Variants in TMEM135 observed in about 807,000 individuals in gnomAD.
TMEM135 encodes transmembrane protein 135, also known as peroxisomal membrane protein 52.
Under a neutral mutation model 60.3 loss-of-function variants are expected in TMEM135, and 30 were observed. That is an observed-to-expected ratio of 0.50 (90% CI 0.37 to 0.68). The LOEUF (loss-of-function observed/expected upper bound fraction) is 0.68, where lower values mean the gene tolerates loss of function less well. Ranked by LOEUF, TMEM135 falls within the 30% of genes least tolerant of loss-of-function variation. The pLI, the probability that TMEM135 is intolerant of heterozygous loss-of-function variation, is 0.00. For missense variants in TMEM135, 468 were observed against 548.8 expected, an observed-to-expected ratio of 0.85 and a Z score of 1.47; for synonymous variants, 190 against 186.7, an observed-to-expected ratio of 1.02 and a Z score of -0.14.
At chr11:87,190,379 A>G (rs370202279) in intron 5 of TMEM135, among the ~76,000 whole-genome samples, 5 of 152,182 alleles carry the variant, frequency 3.3e-5, no homozygotes, top group African/African-American at 9.7e-5. Flanking sequence ...AGGGAGAGAG[A>G]AGGAGAGAGA....
At chr11:87,265,587 A>G (rs1432313258) in intron 6 of TMEM135, among the ~76,000 whole-genome samples, 1 of 152,058 alleles carries the variant, frequency 6.6e-6, no homozygotes, top group Non-Finnish European at 1.5e-5. Flanking sequence ...ATTGGTATGC[A>G]CCTTTTATGA....
At chr11:87,235,280 A>C (rs1384143790) in intron 5 of TMEM135, among the ~76,000 whole-genome samples, 2 of 151,608 alleles carry the variant, frequency 1.3e-5, no homozygotes, top group Non-Finnish European at 3.0e-5. Context: ...AGATGGAGAG[A>C]GGAAGGAAGG....
Position 87,053,329 on chromosome 11 carries a change from A to G in TMEM135, c.142-14365A>G, listed in dbSNP as rs902808368. ...TATATGGATACTTTTTTTATTGATT[A>G]TGAAAAGATGATGTGGATTGAAAGG... On this transcript the variant is annotated intron_variant, in intron 1 of 14. Transcript: ENST00000305494. Among the ~76,000 whole-genome samples the G allele has an allele frequency of 4.6e-5, 7 of 151,910 alleles. No homozygotes were observed. In the East Asian group the frequency reaches 5.8e-4, roughly 13 times the overall value.
At chr11:87,220,384 G>A (rs923733169) in intron 5 of TMEM135, among the ~76,000 whole-genome samples, 1 of 152,192 alleles carries the variant, frequency 6.6e-6, no homozygotes, top group African/African-American at 2.4e-5. Flanking sequence ...TTCAGGATTT[G>A]TAGCTTCCAT....
chr11:87,106,394 G>A (rs1420140093), intron 4 of TMEM135, among the ~76,000 whole-genome samples: 2 of 152,118 alleles, frequency 1.3e-5, no homozygotes, highest in Admixed American at 6.6e-5. Flanking sequence ...ATGAGCCACT[G>A]CACCCGGCTA....
intron 6 of TMEM135, among the ~76,000 whole-genome samples, chr11:87,271,724 A>G (rs1485250956): frequency 2.0e-5 from 3 of 152,168 alleles, no homozygotes; most frequent in Non-Finnish European, 4.4e-5. Context: ...GCTTGAGCCC[A>G]GGAGTTCAAG....
At chr11:87,182,140 C>T (rs1290733800) in intron 5 of TMEM135, among the ~76,000 whole-genome samples, 1 of 151,942 alleles carries the variant, frequency 6.6e-6, no homozygotes, top group East Asian at 1.9e-4. Flanking sequence ...ATTGCCTTTT[C>T]ATGAAAACTT....
intron 5 of TMEM135, among the ~76,000 whole-genome samples, chr11:87,165,652 T>A (rs569641280): frequency 1.3e-5 from 2 of 151,436 alleles, no homozygotes; most frequent in South Asian, 4.2e-4. Flanking sequence ...AGAATTCAGC[T>A]GTGAATCCAT....
At chr11:87,241,776 T>A (rs978979473) in intron 6 of TMEM135, among the ~76,000 whole-genome samples, 2 of 152,214 alleles carry the variant, frequency 1.3e-5, no homozygotes, top group Admixed American at 6.6e-5. Flanking sequence ...ATTTTTCTCT[T>A]TGTTTTCCTG....
intron 6 of TMEM135, among the ~76,000 whole-genome samples, chr11:87,286,099 T>C (rs1034918461): frequency 6.6e-6 from 1 of 151,910 alleles, no homozygotes; most frequent in Non-Finnish European, 1.5e-5. Flanking sequence ...AGACGCAGAA[T>C]GCTGATTGGT....
intron 1 of TMEM135, among the ~76,000 whole-genome samples, chr11:87,046,939 A>C (rs1949801540): frequency 1.3e-5 from 2 of 152,204 alleles, no homozygotes; most frequent in Non-Finnish European, 2.9e-5. Flanking sequence ...CAAGGTTCTT[A>C]ACATTTGTGA....
rs182651270 is a variant in TMEM135, at chr11:87,312,793, A to T, written c.937-632A>T. Among the ~76,000 whole-genome samples the T allele has an allele frequency of 2.0e-4, 30 of 152,066 alleles. No individual in the cohort carries two copies. The East Asian group carries it at 5.0e-3, about 25-fold the overall frequency. The stretch of plus-strand genomic sequence containing the variant: ...AGTAGCAGGCCAGATTTGGCTAGTG[A>T]GCCATAGTTTGCTGACCCCTATTTT... On this transcript the variant is annotated intron_variant, in intron 10 of 14. Coordinates refer to ENST00000305494, the MANE Select transcript of TMEM135 (RefSeq NM_022918.4).
Position 87,270,947 on chromosome 11 carries a change from A to G in TMEM135, c.510-24835A>G, listed in dbSNP as rs140288641. On this transcript the variant is annotated intron_variant, in intron 6 of 14. Coordinates refer to ENST00000305494, the MANE Select transcript of TMEM135 (RefSeq NM_022918.4). Reference sequence around the variant, plus strand: ...ATTCTTTGGCTACAGATTGCTGTGTATTTTCTCTCACAAGCTTTTTTTTTT... The same window carrying G: ...ATTCTTTGGCTACAGATTGCTGTGTGTTTTCTCTCACAAGCTTTTTTTTTT... Among the ~76,000 whole-genome samples, 50 of 145,998 alleles carry G rather than the reference A, an allele frequency of 3.4e-4. No homozygotes were observed. In the East Asian group the frequency reaches 8.9e-3, roughly 26 times the overall value.
chr11:87,041,077 T>C (rs561945193), intron 1 of TMEM135, among the ~76,000 whole-genome samples: 25 of 152,230 alleles, frequency 1.6e-4, no homozygotes, highest in Non-Finnish European at 3.4e-4. Context: ...ACATTGTCTA[T>C]AACAGAACGT....
At chr11:87,045,007 C>T (rs766865876) in intron 1 of TMEM135, among the ~76,000 whole-genome samples, 9 of 151,398 alleles carry the variant, frequency 5.9e-5, no homozygotes, top group Non-Finnish European at 1.0e-4. Context: ...ATTAATGTGA[C>T]GTTTTGAGTT....
At chr11:87,222,401 G>C (rs1424416562) in intron 5 of TMEM135, among the ~76,000 whole-genome samples, 1 of 150,768 alleles carries the variant, frequency 6.6e-6, no homozygotes, top group Admixed American at 6.6e-5. Context: ...GGGAGGCTGA[G>C]GCAGGAGAAT....
chr11:87,260,924 C>T (rs1171867528), intron 6 of TMEM135, among the ~76,000 whole-genome samples: 1 of 152,038 alleles, frequency 6.6e-6, no homozygotes. Flanking sequence ...TCAGTAGTTC[C>T]AACACTCTCC....
At chr11:87,107,495 A>G (rs965283582) in intron 4 of TMEM135, among the ~76,000 whole-genome samples, 3 of 148,240 alleles carry the variant, frequency 2.0e-5, no homozygotes, top group African/African-American at 7.5e-5. Flanking sequence ...ATTCTCACCT[A>G]TGAGTGAGAA....
chr11:87,322,699 A>G lies in TMEM135; in HGVS notation c.*1366A>G, dbSNP rs183367818. 17 of 454,062 alleles carry G rather than the reference A, an allele frequency of 3.7e-5. No homozygotes were observed. The highest frequency in any genetic ancestry group is 2.8e-4 in the African/African-American group (14 of 50,134). The allele number at this position is 454,062 out of a possible 1,614,324, so 28.1% of individuals were successfully genotyped here. A position where few individuals can be genotyped will look rare whatever the true frequency, so the allele number is the denominator to read the frequency against. ...ATAACCCATACTTTAAAAATGCTTA[A>G]TCCCTCATATTCAATTTCATCAAGC... is the stretch of plus-strand genomic sequence containing the variant. On this transcript the variant is annotated 3_prime_UTR_variant, in exon 15 of 15. Transcript: ENST00000305494.
Sources: gnomAD v4.1 joint callset for allele counts (sites outside exome capture counted in the v4.1 genomes callset) on GRCh38, gnomAD v4.1.1 for gene constraint, MANE v1.5 for transcripts, NCBI Gene and HGNC (gene_info 2026-07-23, HGNC 2026-07-21) for gene names.